Variants in SLC4A8 observed in about 807,000 individuals in gnomAD.
The protein encoded by SLC4A8 is solute carrier family 4 member 8, also known as electroneutral sodium bicarbonate exchanger 1.
SLC4A8 carries 40 observed loss-of-function variants against 125.0 expected under a neutral mutation model. That is an observed-to-expected ratio of 0.32 (90% CI 0.25 to 0.42). The LOEUF (loss-of-function observed/expected upper bound fraction) is 0.42. Ranked by LOEUF, SLC4A8 falls within the 10% of genes least tolerant of loss-of-function variation. The probability of loss-of-function intolerance (pLI) is 1.00; values close to 1 mark genes in which losing one functional copy is unlikely to be tolerated. For synonymous variants in SLC4A8, 456 were observed against 476.0 expected, an observed-to-expected ratio of 0.96 and a Z score of 0.55; for missense variants, 863 against 1,355.1, an observed-to-expected ratio of 0.64 and a Z score of 5.70.
intron 1 of SLC4A8, among the ~76,000 whole-genome samples, chr12:51,396,952 C>T (rs1592134810): frequency 1.3e-5 from 1 of 75,556 alleles, no homozygotes; most frequent in Non-Finnish European, 2.4e-5. Context: ...TTTTTTGAGA[C>T]GGAGTCTCAT....
intron 11 of SLC4A8, among the ~76,000 whole-genome samples, chr12:51,465,397 G>A (rs554930401): frequency 6.6e-6 from 1 of 152,126 alleles, no homozygotes; most frequent in Admixed American, 6.5e-5. Flanking sequence ...TTTGTGAGAG[G>A]TGGTCACTTA....
chr12:51,395,348 T>C (rs575607063), intron 1 of SLC4A8, among the ~76,000 whole-genome samples: 54 of 150,630 alleles, frequency 3.6e-4, no homozygotes, highest in Non-Finnish European at 5.8e-4. Flanking sequence ...TTTTTTTTTT[T>C]CTCACGATCT....
At chr12:51,398,129 C>G (rs967191083) in intron 1 of SLC4A8, among the ~76,000 whole-genome samples, 2 of 152,172 alleles carry the variant, frequency 1.3e-5, no homozygotes, top group Admixed American at 6.5e-5. Context: ...TTCCCTGTAA[C>G]TGCAGTCTGA....
At position 51,452,207 on chromosome 12, in the gene SLC4A8, G is replaced by A. The variant is rs1949993906; in HGVS notation, c.361G>A (p.Asp121Asn). Residue 121 changes from aspartate (D) to asparagine (N), a missense_variant, in exon 4 of 25, where the codon GAT becomes AAT. Asp to Asn is a conservative substitution (Grantham distance 23, BLOSUM62 1). Around this residue, in one of 6 missense-constraint regions of SLC4A8, gnomAD observed 390 missense variants for 634.4 expected, o/e 0.61. Transcript: ENST00000453097. ...GCCTCATGAGCTGTTTACAGAGCTG[G>A]ATGAGATCTGTATGAAAGAGGGAGA... Reference protein sequence around the residue: ...HVPHELFTELDEICMKEGEDA... With the variant: ...HVPHELFTELNEICMKEGEDA... 6.2e-7 allele frequency: 1 copy of A among 1,613,962 alleles called. No homozygotes were observed. The highest frequency in any genetic ancestry group is 1.1e-5 in the South Asian group (1 of 91,078).
At chr12:51,424,037 C>CAAA (rs35611847), upstream of SLC4A8, among the ~76,000 whole-genome samples, 49 of 38,128 alleles carry the variant, frequency 1.3e-3, no homozygotes, top group Admixed American at 2.5e-3. Flanking sequence ...ACTTCGTCTC[C>CAAA]AAAAAAAAAA....
upstream of SLC4A8, chr12:51,424,531 C>T (rs1170183082): frequency 1.9e-5 from 3 of 157,866 alleles, no homozygotes; most frequent in African/African-American, 7.2e-5. Flanking sequence ...ATTTAAACAT[C>T]ATCTCCCAAG....
At chr12:51,463,795 G>A (rs1012759136) in intron 11 of SLC4A8, 81 bp downstream of exon 11, 4 of 944,356 alleles carry the variant, frequency 4.2e-6, no homozygotes, top group Non-Finnish European at 5.0e-6. Context: ...CTTTCTTTCA[G>A]CCTACTTCTC....
chr12:51,461,685 G>A (rs544286056), intron 9 of SLC4A8: 2 of 203,596 alleles, frequency 9.8e-6, no homozygotes, highest in South Asian at 1.6e-4. Flanking sequence ...ATAAGGTCAT[G>A]GGTGTGACCT....
chr12:51,406,524 T>G (rs1948492598), intron 1 of SLC4A8, among the ~76,000 whole-genome samples: 1 of 152,062 alleles, frequency 6.6e-6, no homozygotes, highest in Admixed American at 6.6e-5. Context: ...AGGGGAGTGG[T>G]TAACTTCACC....
At chr12:51,501,392 A>G (rs1344981046) in intron 22 of SLC4A8, among the ~76,000 whole-genome samples, 1 of 152,144 alleles carries the variant, frequency 6.6e-6, no homozygotes, top group Non-Finnish European at 1.5e-5. Context: ...CCACTTATAA[A>G]TGAGAACATG....
intron 16 of SLC4A8, among the ~76,000 whole-genome samples, chr12:51,481,104 G>A (rs748124683): frequency 2.0e-5 from 3 of 152,108 alleles, no homozygotes; most frequent in African/African-American, 7.2e-5. Flanking sequence ...TTTTCCTGTG[G>A]TTACTACTAT....
intron 22 of SLC4A8, among the ~76,000 whole-genome samples, chr12:51,500,947 T>C (rs911417107): frequency 2.6e-5 from 4 of 152,008 alleles, no homozygotes; most frequent in Non-Finnish European, 5.9e-5. Flanking sequence ...GTTACATATG[T>C]ATACATGTGC....
At chr12:51,424,786 A>T, upstream of SLC4A8, 1 of 552,768 alleles carries the variant, frequency 1.8e-6, no homozygotes, top group Non-Finnish European at 3.2e-6. Context: ...CCGCGCCCTG[A>T]TTGGCTGCGC....
chr12:51,434,075 A>G (rs1949319683), intron 1 of SLC4A8, among the ~76,000 whole-genome samples: 1 of 151,834 alleles, frequency 6.6e-6, no homozygotes, highest in Non-Finnish European at 1.5e-5. Context: ...AGGTTTCACT[A>G]TGTTGCCCAG....
rs1388108854 is a variant in SLC4A8 at position 51,463,680 on chromosome 12, G to T, written c.1315G>T (p.Gly439Cys). The T allele has an allele frequency of 1.9e-6, 3 of 1,614,020 alleles. No individual in the cohort carries two copies. The highest frequency in any genetic ancestry group is 2.5e-6 in the Non-Finnish European group (3 of 1,179,888). The change falls in exon 11 of 25, where the codon GGT (glycine) becomes TGT (cysteine). Residue 439 changes from glycine (G) to cysteine (C), a missense_variant. Physicochemically the swap from Gly to Cys is radical, Grantham distance 159 (BLOSUM62 -3). Transcript: ENST00000453097. ...VCHIEQEPHG[G>C]HSGPELQRTG... ...CCACATAGAACAGGAACCACATGGG[G>T]GTCACAGTGGGCCAGAACTTCAGCG...
At position 51,509,233 on chromosome 12, in the gene SLC4A8, G is replaced by A. The variant is rs1938282262; in HGVS notation, c.*1795G>A. On this transcript the variant is annotated 3_prime_UTR_variant, in exon 25 of 25. Transcript: ENST00000453097. ...TGGTTTGTCTCATTTCTATCACAAG[G>A]CTGTTTTGGGCACAGCCTTAGCTTC... 3 of 152,572 alleles carry A rather than the reference G, an allele frequency of 2.0e-5. No homozygotes were observed. The highest frequency in any genetic ancestry group is 4.8e-5 in the African/African-American group (2 of 41,426). 9.5% of individuals were successfully genotyped at this position (152,572 alleles called of 1,614,324 possible). A position where few individuals can be genotyped will look rare whatever the true frequency, so the allele number is the denominator to read the frequency against.
intron 19 of SLC4A8, among the ~76,000 whole-genome samples, chr12:51,491,737 GCAGACACACA>G (rs763691918): frequency 0.043 from 5,474 of 126,902 alleles, 151 homozygotes; most frequent in Middle Eastern, 0.059. Context: ...CTGGGGATGG[GCAGACACACA>G]CACACACACA....
upstream of SLC4A8, chr12:51,420,164 A>G (rs1178331720): frequency 1.3e-5 from 2 of 152,208 alleles, no homozygotes; most frequent in African/African-American, 4.8e-5. Flanking sequence ...GTCTTTCCTC[A>G]GATCCCGACG....
At chr12:51,469,373 T>C (rs2138291118) in intron 11 of SLC4A8, among the ~76,000 whole-genome samples, 2 of 152,300 alleles carry the variant, frequency 1.3e-5, no homozygotes, top group South Asian at 4.1e-4. Flanking sequence ...GAATGGATAA[T>C]ACGCATATCT....
Sources: allele counts gnomAD v4.1 joint callset (sites outside exome capture counted in the v4.1 genomes callset), GRCh38; gene constraint gnomAD v4.1.1; regional missense constraint gnomAD v4.1.1; transcripts MANE v1.5; gene names NCBI Gene and HGNC (gene_info 2026-07-23, HGNC 2026-07-21).